Variants in LTBP1 observed in about 807,000 individuals in gnomAD.
The protein encoded by LTBP1 is latent-transforming growth factor beta-binding protein 1.
In LTBP1, 129 loss-of-function variants were observed where a neutral mutation model predicts 207.6. The ratio of observed to expected loss-of-function variants is 0.62; its 90% confidence interval spans 0.54 to 0.72. The LOEUF is 0.72. Ranked by LOEUF, LTBP1 falls within the 30% of genes least tolerant of loss-of-function variation. The probability of loss-of-function intolerance (pLI) is 0.00; values close to 1 mark genes in which losing one functional copy is unlikely to be tolerated. For synonymous variants in LTBP1, 963 were observed against 833.7 expected (o/e 1.16, Z -2.67); for missense variants, 2,281 against 2,217.2 (o/e 1.03, Z -0.58).
At position 32,948,931 on chromosome 2, in the gene LTBP1, A is replaced by G. The variant is rs1442428252; in HGVS notation, c.551A>G (p.Gln184Arg). The G allele has an allele frequency of 1.9e-6, 3 of 1,614,178 alleles. No individual in the cohort carries two copies. Among genetic ancestry groups the G allele is most frequent in the East Asian group, 4.5e-5 (2 of 44,878 alleles). The change falls in exon 2 of 34, where the codon CAG becomes CGG. Residue 184 changes from glutamine to arginine, a missense_variant. Gln to Arg is a conservative substitution (Grantham distance 43, BLOSUM62 1). Coordinates refer to ENST00000404816, the MANE Select transcript of LTBP1 (RefSeq NM_206943.4). Reference protein sequence around the residue: ...CHGWSKAPGSQRCTKPSCVPP... With the variant: ...CHGWSKAPGSRRCTKPSCVPP... ...GGCTGGAGTAAGGCCCCTGGCTCCC[A>G]GAGGTGCACCAAACGTAAGTTGCCA...
chr2:32,947,687 TCCCGGCGGCCA>T lies in LTBP1; in HGVS notation c.370_380del (p.Gly124SerfsTer27). 6.7e-7 allele frequency: 1 copy of T among 1,502,074 alleles called. No homozygotes were observed. The highest frequency in any genetic ancestry group is 8.9e-7 in the Non-Finnish European group (1 of 1,124,800). The allele number at this position is 1,502,074 out of a possible 1,614,324, so 93.0% of individuals were successfully genotyped here. On this transcript the variant is annotated frameshift_variant, in exon 1 of 34. Coordinates refer to ENST00000404816, the MANE Select transcript of LTBP1 (RefSeq NM_206943.4). LOFTEE classifies it high-confidence loss of function. ...TCCCCGGCGGGCAGCTCCACCCCAATCCCGGCGGCCACCCGGCAGCCGCCCCGTTCACCAAA... is the reference window on the plus strand; with the variant it reads ...TCCCCGGCGGGCAGCTCCACCCCAATCCCGGCAGCCGCCCCGTTCACCAAA...
intron 4 of LTBP1, among the ~76,000 whole-genome samples, chr2:33,115,037 T>TAC (rs60544598): frequency 0.044 from 6,406 of 145,154 alleles, 165 homozygotes; most frequent in African/African-American, 0.075. Flanking sequence ...AACAGATATA[T>TAC]ACACACACAC....
chr2:32,995,284 C>G (rs181970058), intron 2 of LTBP1, among the ~76,000 whole-genome samples: 1 of 152,078 alleles, frequency 6.6e-6, no homozygotes, highest in African/African-American at 2.4e-5. Flanking sequence ...CAGTGCCTCT[C>G]GAACTAATGT....
intron 2 of LTBP1, among the ~76,000 whole-genome samples, chr2:33,013,841 G>C (rs1032457326): frequency 6.6e-6 from 1 of 152,092 alleles, no homozygotes; most frequent in African/African-American, 2.4e-5. Context: ...AGCTCTTGGG[G>C]AGCTGGGAAT....
chr2:33,259,598 A>T lies in LTBP1; in HGVS notation c.2406A>T (p.Ala802=). 1.2e-6 allele frequency: 2 copies of T among 1,602,988 alleles called. No homozygotes were observed. Among genetic ancestry groups the T allele is most frequent in the East Asian group, 4.5e-5 (2 of 44,698 alleles). ...CTTTTCTGGTTTTAGTGGCAACTGCACCCCCTGAAAAGGTAATTTATTCAT... is the reference window on the plus strand; with the variant it reads ...CTTTTCTGGTTTTAGTGGCAACTGCTCCCCCTGAAAAGGTAATTTATTCAT... The part of the protein sequence containing the change: ...PGVAEPEVAT[A]PPEKEIPSLD... Residue 802 remains alanine, a synonymous_variant, in exon 13 of 34, where the codon GCA becomes GCT. Transcript: ENST00000404816.
At chr2:33,164,738 G>A (rs749476561) in intron 5 of LTBP1, among the ~76,000 whole-genome samples, 7 of 152,194 alleles carry the variant, frequency 4.6e-5, no homozygotes, top group Non-Finnish European at 1.0e-4. Context: ...TGGAGATTTG[G>A]CTCCACTGAG....
chr2:33,005,387 C>T (rs1245687808), intron 2 of LTBP1, among the ~76,000 whole-genome samples: 1 of 152,024 alleles, frequency 6.6e-6, no homozygotes, highest in Admixed American at 6.6e-5. Context: ...TGGCTGGGGA[C>T]CTCAGTTTTC....
At chr2:33,235,223 C>T (rs2091984716) in intron 9 of LTBP1, among the ~76,000 whole-genome samples, 2 of 152,022 alleles carry the variant, frequency 1.3e-5, no homozygotes. Flanking sequence ...CAAACAACTC[C>T]ATCAAAAAGT....
At position 33,182,697 on chromosome 2, in the gene LTBP1, TATAC is replaced by T. The variant is rs1175591161; in HGVS notation, c.1202-4157_1202-4154del. On this transcript the variant is annotated intron_variant, in intron 5 of 33. Transcript: ENST00000404816. ...AGAAGAAAAGATGGTGATATATATATATACACACACACACACACACACACACACA... is the reference window on the plus strand; with the variant it reads ...AGAAGAAAAGATGGTGATATATATATACACACACACACACACACACACACA... Among the ~76,000 whole-genome samples the T allele has an allele frequency of 2.1e-3, 185 of 87,870 alleles. 18 individuals carry two copies. The Middle Eastern group carries it at 0.022, about 10-fold the overall frequency. 57.6% of individuals were successfully genotyped at this position (87,870 alleles called of 152,430 possible). A position where few individuals can be genotyped will look rare whatever the true frequency, so the allele number is the denominator to read the frequency against.
At chr2:32,998,574 G>T (rs571483966) in intron 2 of LTBP1, among the ~76,000 whole-genome samples, 4 of 127,184 alleles carry the variant, frequency 3.1e-5, no homozygotes, top group Non-Finnish European at 6.6e-5. Context: ...TGTTTGTGTT[G>T]CAAAAAACAT....
chr2:33,081,928 G>A (rs886111491), intron 3 of LTBP1, among the ~76,000 whole-genome samples: 7 of 152,106 alleles, frequency 4.6e-5, no homozygotes, highest in African/African-American at 1.2e-4. Flanking sequence ...CCGCCACCAC[G>A]ATTGTTAAGT....
At position 32,947,745 on chromosome 2, in the gene LTBP1, T is replaced by C. The variant is rs1439754453; in HGVS notation, c.421T>C (p.Ser141Pro). ...FTKQGRQVVR[S>P]KVPQETQSGG... Reference sequence around the variant, plus strand: ...CAAACAAGGCAGGCAAGTTGTGCGCTCCAAGGTGCCGCAGGAGACCCAGAG... The same window carrying C: ...CAAACAAGGCAGGCAAGTTGTGCGCCCCAAGGTGCCGCAGGAGACCCAGAG... Residue 141 changes from serine (S) to proline (P), a missense_variant, in exon 1 of 34, where the codon TCC becomes CCC. By Grantham distance (74) the Ser-to-Pro change is moderately conservative. Coordinates refer to ENST00000404816, the MANE Select transcript of LTBP1 (RefSeq NM_206943.4). 6.5e-6 allele frequency: 10 copies of C among 1,536,312 alleles called. No individual in the cohort carries two copies. The highest frequency in any genetic ancestry group is 7.9e-6 in the Non-Finnish European group (9 of 1,142,856).
intron 31 of LTBP1, among the ~76,000 whole-genome samples, chr2:33,379,537 G>A (rs986069471): frequency 1.3e-5 from 2 of 152,106 alleles, no homozygotes; most frequent in African/African-American, 4.8e-5. Flanking sequence ...GCATTCATGT[G>A]GTAATCTGTG....
At chr2:33,081,739 A>AT (rs1269179769) in intron 3 of LTBP1, among the ~76,000 whole-genome samples, 2 of 152,052 alleles carry the variant, frequency 1.3e-5, no homozygotes, top group African/African-American at 2.4e-5. Context: ...CATAGTCCCC[A>AT]TATGTCGTGG....
At chr2:32,969,203 GGT>G (rs1680457125) in intron 2 of LTBP1, among the ~76,000 whole-genome samples, 1 of 147,746 alleles carries the variant, frequency 6.8e-6, no homozygotes. Flanking sequence ...TGAGATTACA[GGT>G]GTGAGCCATG....
At chr2:33,147,057 A>G (rs1468182430) in intron 5 of LTBP1, among the ~76,000 whole-genome samples, 1 of 152,158 alleles carries the variant, frequency 6.6e-6, no homozygotes, top group Non-Finnish European at 1.5e-5. Flanking sequence ...ATAATTAGTA[A>G]CTCAGAAATG....
chr2:33,136,240 A>G (rs939262123), intron 5 of LTBP1, among the ~76,000 whole-genome samples: 1 of 152,242 alleles, frequency 6.6e-6, no homozygotes, highest in Non-Finnish European at 1.5e-5. Context: ...TAGGTGCCAA[A>G]TGGCACATTA....
chr2:33,032,228 C>A lies in LTBP1; in HGVS notation c.863+11022C>A, dbSNP rs138768504. On this transcript the variant is annotated intron_variant, in intron 3 of 33. Coordinates refer to ENST00000404816, the MANE Select transcript of LTBP1 (RefSeq NM_206943.4). ...CTTCCTGTTCCTTATTACACTCTAT[C>A]CCTAGACTCAAATTCATCAACCCAT... 4.3e-3 allele frequency among the ~76,000 whole-genome samples: 662 copies of A among 152,254 alleles called. 8 individuals carry two copies. The highest frequency in any genetic ancestry group is 0.015 in the African/African-American group (615 of 41,546).
At chr2:33,264,903 A>T (rs557291282) in intron 15 of LTBP1, among the ~76,000 whole-genome samples, 2 of 152,316 alleles carry the variant, frequency 1.3e-5, no homozygotes, top group South Asian at 4.1e-4. Context: ...CTGGTGTTAT[A>T]GTTCTAGTGC....
Sources: gnomAD v4.1 joint callset for allele counts (sites outside exome capture counted in the v4.1 genomes callset) on GRCh38, gnomAD v4.1.1 for gene constraint, MANE v1.5 for transcripts, NCBI Gene and HGNC (gene_info 2026-07-23, HGNC 2026-07-21) for gene names.